The following RPL37 variants were observed in gnomAD, a reference collection of about 807,000 sequenced individuals.
RPL37 encodes large ribosomal subunit protein eL37.
In RPL37, 1 loss-of-function variant was observed where a neutral mutation model predicts 14.8. The ratio of observed to expected loss-of-function variants is 0.07; its 90% CI spans 0.02 to 0.32. RPL37 has a LOEUF of 0.32. Ranked by LOEUF, RPL37 falls within the 10% of genes least tolerant of loss-of-function variation. The pLI, the probability that RPL37 is intolerant of heterozygous loss-of-function variation, is 1.00. For missense variants in RPL37, 100 were observed against 128.3 expected (o/e 0.78, Z 1.06); for synonymous variants, 53 against 45.8 (o/e 1.16, Z -0.63).
At position 40,830,511 on chromosome 5, in the gene RPL37, T is replaced by C. The variant is rs567546417; in HGVS notation, c.*1993A>G. ...TCATTAGTTCAAGGATTTTTTTTTT[T>C]TTTTGAGGTGGAGTCTCACTGTGCC... is the stretch of plus-strand genomic sequence containing the variant. On this transcript the variant is annotated 3_prime_UTR_variant, in exon 4 of 4. Transcript: ENST00000274242. 6.6e-6 allele frequency: 1 copy of C among 151,870 alleles called. No individual in the cohort carries two copies. Among genetic ancestry groups the C allele is most frequent in the South Asian group, 2.1e-4 (1 of 4,786 alleles). 9.4% of individuals were successfully genotyped at this position (151,870 alleles called of 1,614,324 possible).
rs1275598334 is a variant in RPL37 at position 40,831,665 on chromosome 5, TAAA to T, written c.*836_*838del. 1 of 152,090 alleles carries T rather than the reference TAAA, an allele frequency of 6.6e-6. No individual in the cohort carries two copies. The highest frequency in any genetic ancestry group is 1.5e-5 in the Non-Finnish European group (1 of 67,976). The allele number at this position is 152,090 out of a possible 1,614,324, so 9.4% of individuals were successfully genotyped here. Reference sequence around the variant, plus strand: ...TCCAGTTGACTTTGTCCCTTCATTTTAAAAAAACAAAAAAAACCCCCAACCCTG... The same window carrying T: ...TCCAGTTGACTTTGTCCCTTCATTTTAAAACAAAAAAAACCCCCAACCCTG... On this transcript the variant is annotated 3_prime_UTR_variant, in exon 4 of 4. Coordinates refer to ENST00000274242, the MANE Select transcript of RPL37 (RefSeq NM_000997.5).
In RPL37 at chr5:40,830,262, C is replaced by G. The variant is rs937882417; in HGVS notation, c.*2242G>C. ...GAAAAATTTAAAGTATAATGGGTAT[C>G]TATACATAACTATAACTTAAGGCAG... On this transcript the variant is annotated 3_prime_UTR_variant, in exon 4 of 4. Transcript: ENST00000274242. 1 of 152,094 alleles carries G rather than the reference C, an allele frequency of 6.6e-6. No individual in the cohort carries two copies. The allele number at this position is 152,094 out of a possible 1,614,324, so 9.4% of individuals were successfully genotyped here.
intron 1 of RPL37, chr5:40,834,981 T>C (rs1745733677): frequency 1.4e-6 from 1 of 706,396 alleles, no homozygotes; most frequent in East Asian, 2.7e-5. Flanking sequence ...AATGCGGCTC[T>C]AGCACCACAA....
chr5:40,835,093 G>A, intron 1 of RPL37, 90 bp downstream of exon 1: 1 of 1,577,086 alleles, frequency 6.3e-7, no homozygotes, highest in Non-Finnish European at 8.7e-7. Flanking sequence ...CCCTTATCCG[G>A]AATCTTGCCA....
chr5:40,834,681 T>C (rs1253542482), intron 1 of RPL37, 75 bp from the exon 2 acceptor site: 2 of 1,478,638 alleles, frequency 1.4e-6, no homozygotes, highest in East Asian at 2.3e-5. Flanking sequence ...GGAAACCAAT[T>C]ACTGATAAAA....
chr5:40,834,903 TC>T (rs1745731680), intron 1 of RPL37: 5 of 609,104 alleles, frequency 8.2e-6, no homozygotes, highest in Admixed American at 5.9e-5. Flanking sequence ...CCAAACTCCT[TC>T]CCTCGGCTCC....
At position 40,832,214 on chromosome 5, in the gene RPL37, G is replaced by A. The variant is rs766726498; in HGVS notation, c.*290C>T. The A allele has an allele frequency of 5.5e-6, 2 of 365,750 alleles. No individual in the cohort carries two copies. Among genetic ancestry groups the A allele is most frequent in the East Asian group, 5.2e-5 (1 of 19,092 alleles). 22.7% of individuals were successfully genotyped at this position (365,750 alleles called of 1,614,324 possible). On this transcript the variant is annotated 3_prime_UTR_variant, in exon 4 of 4. Coordinates refer to ENST00000274242, the MANE Select transcript of RPL37 (RefSeq NM_000997.5). The stretch of plus-strand genomic sequence containing the variant: ...TCTAAAATACCCACCTATGCCACAT[G>A]AGCTGTGCTATTTTAATCTGCTATA...
In RPL37 at chr5:40,834,202, T is replaced by C. The variant is rs1745711259; in HGVS notation, c.203A>G (p.Lys68Arg). 6.2e-7 allele frequency: 1 copy of C among 1,613,858 alleles called. No individual in the cohort carries two copies. Among genetic ancestry groups the C allele is most frequent in the Admixed American group, 1.7e-5 (1 of 60,004 alleles). ...GTACCTGAATCTGCGGTATACAATT[T>C]TTAGGTGCCTCATTCGACCAGTTCC... ...TTGTGRMRHLKIVYRRFRHGF... is the reference protein window; with the variant it reads ...TTGTGRMRHLRIVYRRFRHGF... The change falls in exon 3 of 4, where the codon AAA becomes AGA. Residue 68 changes from lysine to arginine, a missense_variant. Physicochemically the swap from Lys to Arg is conservative, Grantham distance 26. Coordinates refer to ENST00000274242, the MANE Select transcript of RPL37 (RefSeq NM_000997.5).
intron 1 of RPL37, 114 bp from the exon 2 acceptor site, chr5:40,834,720 G>T: frequency 1.7e-6 from 2 of 1,210,616 alleles, no homozygotes; most frequent in Non-Finnish European, 1.1e-6. Context: ...GATCGAAACT[G>T]CGGGAGAAGC....
chr5:40,832,378 C>A lies in RPL37; in HGVS notation c.*126G>T. 1.2e-6 allele frequency: 1 copy of A among 827,552 alleles called. No individual in the cohort carries two copies. Among genetic ancestry groups the A allele is most frequent in the Non-Finnish European group, 2.1e-6 (1 of 472,858 alleles). The allele number at this position is 827,552 out of a possible 1,614,324, so 51.3% of individuals were successfully genotyped here. A position where few individuals can be genotyped will look rare whatever the true frequency, so the allele number is the denominator to read the frequency against. On this transcript the variant is annotated 3_prime_UTR_variant, in exon 4 of 4. Coordinates refer to ENST00000274242, the MANE Select transcript of RPL37 (RefSeq NM_000997.5). Reference sequence around the variant, plus strand: ...ACAAGTAAATCTGATATGAAGCTAGCCCAGTCCCTAAACCTACAGTATTTC... The same window carrying A: ...ACAAGTAAATCTGATATGAAGCTAGACCAGTCCCTAAACCTACAGTATTTC...
At position 40,829,157 on chromosome 5, in the gene RPL37, A is replaced by C. The variant is rs1745583630; in HGVS notation, c.*3347T>G. ...TTGGAAGTTAGCTACTCACTTGCAC[A>C]TTCAAGTTTTAGATGTTTTCTGTAG... On this transcript the variant is annotated 3_prime_UTR_variant, in exon 4 of 4. Transcript: ENST00000274242. 1 of 152,220 alleles carries C rather than the reference A, an allele frequency of 6.6e-6. No individual in the cohort carries two copies. The highest frequency in any genetic ancestry group is 2.4e-5 in the African/African-American group (1 of 41,474). 9.4% of individuals were successfully genotyped at this position (152,220 alleles called of 1,614,324 possible). A position where few individuals can be genotyped will look rare whatever the true frequency, so the allele number is the denominator to read the frequency against.
intron 3 of RPL37, among the ~76,000 whole-genome samples, chr5:40,833,463 AG>A (rs1292810736): frequency 6.6e-6 from 1 of 152,220 alleles, no homozygotes; most frequent in South Asian, 2.1e-4. Context: ...TTTAATATGC[AG>A]GTTCTCTCAG....
chr5:40,835,021 G>A (rs1231787340), intron 1 of RPL37, 162 bp downstream of exon 1: 27 of 899,942 alleles, frequency 3.0e-5, no homozygotes, highest in Non-Finnish European at 4.7e-5. Context: ...CCAGGCACCA[G>A]TTAGCAGTCA....
chr5:40,826,526 C>T lies in RPL37; in HGVS notation c.*5978G>A, dbSNP rs555224395. ...TGGACAAAGGAGTTACTACCTTCTA[C>T]TTTGAAACCCAGTGAAAGGAACTTC... On this transcript the variant is annotated 3_prime_UTR_variant, in exon 4 of 4. Coordinates refer to ENST00000274242, the MANE Select transcript of RPL37 (RefSeq NM_000997.5). 7.9e-6 allele frequency: 1 copy of T among 126,854 alleles called. No homozygotes were observed. The highest frequency in any genetic ancestry group is 2.6e-5 in the African/African-American group (1 of 38,530). The allele number at this position is 126,854 out of a possible 1,614,324, so 7.9% of individuals were successfully genotyped here.
chr5:40,834,502 T>G lies in RPL37; in HGVS notation c.108A>C (p.Lys36Asn), dbSNP rs756901859. Residue 36 changes from lysine to asparagine, a missense_variant, in exon 2 of 4, where the codon AAA becomes AAC. Around this residue, in one of 2 missense-constraint regions of RPL37, gnomAD observed 26 missense variants for 58.3 expected, o/e 0.45. Coordinates refer to ENST00000274242, the MANE Select transcript of RPL37 (RefSeq NM_000997.5). ...AYHLQKSTCG[K>N]CGYPAKRKRK... ...TCTTGCGCTTGGCAGGGTAGCCACA[T>G]TTGCCACAGGTCGACTTCTGAAGGT... The G allele has an allele frequency of 1.2e-6, 2 of 1,613,986 alleles. No individual in the cohort carries two copies. The highest frequency in any genetic ancestry group is 1.1e-5 in the South Asian group (1 of 91,028).
Position 40,834,389 on chromosome 5 carries a change from CAAAT to C in RPL37, c.139+78_139+81del, listed in dbSNP as rs573078483. The stretch of plus-strand genomic sequence containing the variant: ...GATGTACGAGTTTTAAGATAGGCAC[CAAAT>C]AAAGTTCAAACCTATGCCCCCACTT... On this transcript the variant is annotated intron_variant, in intron 2 of 3. Coordinates refer to ENST00000274242, the MANE Select transcript of RPL37 (RefSeq NM_000997.5). 3.2e-5 allele frequency: 50 copies of C among 1,581,490 alleles called. 1 individual carries two copies. In the South Asian group the frequency reaches 5.2e-4, roughly 16 times the overall value.
In RPL37 at chr5:40,831,316, G is replaced by A. The variant is rs1745636114; in HGVS notation, c.*1188C>T. On this transcript the variant is annotated 3_prime_UTR_variant, in exon 4 of 4. Transcript: ENST00000274242. ...TCTAACCATACATCTTTAAAGTATAGTCTCACATTTCGGGAGGAAGCCCAA... is the reference window on the plus strand; with the variant it reads ...TCTAACCATACATCTTTAAAGTATAATCTCACATTTCGGGAGGAAGCCCAA... The A allele has an allele frequency of 6.6e-6, 1 of 152,340 alleles. No homozygotes were observed. Among genetic ancestry groups the A allele is most frequent in the African/African-American group, 2.4e-5 (1 of 41,452 alleles). The allele number at this position is 152,340 out of a possible 1,614,324, so 9.4% of individuals were successfully genotyped here.
rs1015837541 is a variant in RPL37 at position 40,835,079 on chromosome 5, G to C, written c.3+104C>G. ...CCGCATGCCTCTTTCCAGCCCACCAGTTCCCCTTATCCGGAATCTTGCCAG... is the reference window on the plus strand; with the variant it reads ...CCGCATGCCTCTTTCCAGCCCACCACTTCCCCTTATCCGGAATCTTGCCAG... On this transcript the variant is annotated intron_variant, in intron 1 of 3. Coordinates refer to ENST00000274242, the MANE Select transcript of RPL37 (RefSeq NM_000997.5). The C allele has an allele frequency of 8.6e-6, 13 of 1,518,986 alleles. No homozygotes were observed. The African/African-American group carries it at 1.8e-4, about 21-fold the overall frequency. 94.1% of individuals were successfully genotyped at this position (1,518,986 alleles called of 1,614,324 possible).
At position 40,832,435 on chromosome 5, in the gene RPL37, A is replaced by C. The variant is rs1745661418; in HGVS notation, c.*69T>G. On this transcript the variant is annotated 3_prime_UTR_variant, in exon 4 of 4. Transcript: ENST00000274242. ...ACTACAAGCCTAATTGATTAAAAATACCTTACCAAAACCAGATATGTATTT... is the reference window on the plus strand; with the variant it reads ...ACTACAAGCCTAATTGATTAAAAATCCCTTACCAAAACCAGATATGTATTT... 1 of 1,342,380 alleles carries C rather than the reference A, an allele frequency of 7.4e-7. No homozygotes were observed. Among genetic ancestry groups the C allele is most frequent in the Admixed American group, 1.7e-5 (1 of 59,656 alleles). The allele number at this position is 1,342,380 out of a possible 1,614,324, so 83.2% of individuals were successfully genotyped here.
Sources: gnomAD v4.1 joint callset for allele counts (sites outside exome capture counted in the v4.1 genomes callset) on GRCh38, gnomAD v4.1.1 for gene constraint, gnomAD v4.1.1 regional missense constraint, MANE v1.5 for transcripts, NCBI Gene and HGNC (gene_info 2026-07-23, HGNC 2026-07-21) for gene names.